FKBP5: variants seen among roughly 807,000 people sequenced by gnomAD.
The protein encoded by FKBP5 is FKBP prolyl isomerase 5.
In FKBP5, 23 loss-of-function variants were observed where a neutral mutation model predicts 50.5. The observed-to-expected ratio is 0.46, with a 90% CI of 0.33 to 0.65. The LOEUF (loss-of-function observed/expected upper bound fraction) is 0.65. Ranked by LOEUF, FKBP5 falls within the 30% of genes least tolerant of loss-of-function variation. The pLI, the probability that FKBP5 is intolerant of heterozygous loss-of-function variation, is 0.02. For missense variants in FKBP5, 411 were observed against 553.1 expected (o/e 0.74, Z 2.58); for synonymous variants, 176 against 190.6 (o/e 0.92, Z 0.63).
chr6:35,709,476 A>G (rs1336667104), intron 2 of FKBP5, among the ~76,000 whole-genome samples: 1 of 152,250 alleles, frequency 6.6e-6, no homozygotes, highest in Non-Finnish European at 1.5e-5. Flanking sequence ...AACATTTTCC[A>G]GAAGTATATA....
intron 2 of FKBP5, among the ~76,000 whole-genome samples, chr6:35,714,400 C>T (rs1225004490): frequency 1.6e-5 from 2 of 125,470 alleles, no homozygotes; most frequent in African/African-American, 6.2e-5. Flanking sequence ...TGCAGTGAGC[C>T]GAGATGGAGA....
intron 2 of FKBP5, among the ~76,000 whole-genome samples, chr6:35,703,457 C>T (rs1474672741): frequency 6.6e-6 from 1 of 152,074 alleles, no homozygotes; most frequent in Non-Finnish European, 1.5e-5. Flanking sequence ...AAATGATACT[C>T]AAGGTGATTG....
chr6:35,675,298 G>A (rs4713907), intron 1 of FKBP5, among the ~76,000 whole-genome samples: 6,496 of 152,188 alleles, frequency 0.043, 177 homozygotes, highest in African/African-American at 0.08. Flanking sequence ...CTGTAATCCC[G>A]GATTCTACGG....
At chr6:35,625,714 C>T (rs544541652) in intron 3 of FKBP5, among the ~76,000 whole-genome samples, 1 of 146,272 alleles carries the variant, frequency 6.8e-6, no homozygotes, top group Admixed American at 6.8e-5. Context: ...CCAGCCTGGG[C>T]GACAGAGCAA....
intron 1 of FKBP5, among the ~76,000 whole-genome samples, chr6:35,646,523 G>A (rs533658900): frequency 1.1e-3 from 169 of 152,186 alleles, no homozygotes; most frequent in African/African-American, 3.5e-3. Flanking sequence ...GTTTTTGTAA[G>A]CTAACAAAAC....
intron 5 of FKBP5, among the ~76,000 whole-genome samples, chr6:35,617,824 A>T (rs1341458846): frequency 6.6e-6 from 1 of 152,212 alleles, no homozygotes; most frequent in African/African-American, 2.4e-5. Flanking sequence ...ACAGTGGTAC[A>T]TATAATTTGC....
rs1276269720 is a variant in FKBP5 at position 35,660,089 on chromosome 6, C to T, written c.-19-17246G>A. On this transcript the variant is annotated intron_variant, in intron 1 of 10. Transcript: ENST00000357266. ...TATGATTTTCATTAAGTACAAAATA[C>T]TTTCTAAATTCATCTTTGATATTCT... Among the ~76,000 whole-genome samples, 13 of 83,734 alleles carry T rather than the reference C, an allele frequency of 1.6e-4. 6 individuals are homozygous for T. Among genetic ancestry groups the T allele is most frequent in the Non-Finnish European group, 3.6e-4 (13 of 36,556 alleles). The allele number at this position is 83,734 out of a possible 152,430, so 54.9% of individuals were successfully genotyped here.
intron 1 of FKBP5, among the ~76,000 whole-genome samples, chr6:35,647,227 A>C (rs942239717): frequency 3.9e-5 from 6 of 152,206 alleles, no homozygotes; most frequent in African/African-American, 1.4e-4. Context: ...ATATTAAAAC[A>C]AACAAAAAAA....
chr6:35,587,376 A>T (rs756972098), intron 7 of FKBP5, among the ~76,000 whole-genome samples: 9 of 152,194 alleles, frequency 5.9e-5, no homozygotes, highest in Non-Finnish European at 1.0e-4. Flanking sequence ...ACAGTAAGGA[A>T]CGTACTCTGG....
chr6:35,646,549 CT>C (rs1370580843), intron 1 of FKBP5, among the ~76,000 whole-genome samples: 1 of 152,078 alleles, frequency 6.6e-6, no homozygotes, highest in East Asian at 1.9e-4. Flanking sequence ...AAACTTTTTC[CT>C]TGATTGAATG....
At chr6:35,654,245 T>C (rs1764889260) in intron 1 of FKBP5, among the ~76,000 whole-genome samples, 1 of 152,210 alleles carries the variant, frequency 6.6e-6, no homozygotes, top group Admixed American at 6.5e-5. Context: ...ATATTATGCA[T>C]TACATGCCAA....
chr6:35,676,964 A>G (rs1765536755), intron 1 of FKBP5, among the ~76,000 whole-genome samples: 1 of 152,246 alleles, frequency 6.6e-6, no homozygotes, highest in Non-Finnish European at 1.5e-5. Context: ...AACTAAGCTC[A>G]AGCTCCTAGC....
intron 3 of FKBP5, 90 bp downstream of exon 3, chr6:35,636,924 A>T: frequency 8.0e-7 from 1 of 1,242,870 alleles, no homozygotes; most frequent in Non-Finnish European, 1.1e-6. Context: ...AAATTTCTTT[A>T]CTTTTAGAAA....
chr6:35,691,768 G>A (rs147353811), upstream of FKBP5, among the ~76,000 whole-genome samples: 75 of 152,224 alleles, frequency 4.9e-4, no homozygotes, highest in East Asian at 0.013. Flanking sequence ...GATGACATGC[G>A]CTATGGCTGC....
chr6:35,647,397 G>C (rs551417100), intron 1 of FKBP5, among the ~76,000 whole-genome samples: 3 of 152,270 alleles, frequency 2.0e-5, no homozygotes, highest in African/African-American at 4.8e-5. Flanking sequence ...GAAGATGCTG[G>C]GATGACAAGA....
rs536906640 is a variant in FKBP5 at position 35,628,827 on chromosome 6, C to T, written c.250+8187G>A. Among the ~76,000 whole-genome samples, 147 of 152,102 alleles carry T rather than the reference C, an allele frequency of 9.7e-4. 1 individual carries two copies. Among genetic ancestry groups the T allele is most frequent in the Middle Eastern group, 6.8e-3 (2 of 294 alleles). On this transcript the variant is annotated intron_variant, in intron 3 of 10. Coordinates refer to ENST00000357266, the MANE Select transcript of FKBP5 (RefSeq NM_004117.4). ...TCCACTCCCAGGCTCAAGTGATTCT[C>T]CTGCCTCAGCCTCCCCAGTAGCTGG...
intron 2 of FKBP5, among the ~76,000 whole-genome samples, chr6:35,701,248 GT>G (rs552906381): frequency 5.5e-4 from 77 of 139,358 alleles, no homozygotes; most frequent in Admixed American, 1.2e-3. Context: ...TTGTTTTTTT[GT>G]TTTTTTTTTT....
chr6:35,619,076 C>A lies in FKBP5; in HGVS notation c.508+20G>T, dbSNP rs147722311. 1 of 1,525,202 alleles carries A rather than the reference C, an allele frequency of 6.6e-7. No individual in the cohort carries two copies. The highest frequency in any genetic ancestry group is 2.3e-5 in the East Asian group (1 of 44,384). The allele number at this position is 1,525,202 out of a possible 1,614,324, so 94.5% of individuals were successfully genotyped here. The stretch of plus-strand genomic sequence containing the variant: ...TGGCCCAACTTTTAAGGACTAGTTC[C>A]CTCTTACTTTAATACTTACTTTCTA... On this transcript the variant is annotated intron_variant, in intron 5 of 10. Transcript: ENST00000357266.
chr6:35,655,091 G>A (rs957774624), intron 1 of FKBP5, among the ~76,000 whole-genome samples: 20 of 152,120 alleles, frequency 1.3e-4, no homozygotes, highest in Non-Finnish European at 1.0e-4. Flanking sequence ...GGAGGCTGAC[G>A]TGGGCAGATC....
Sources: allele counts gnomAD v4.1 joint callset (sites outside exome capture counted in the v4.1 genomes callset), GRCh38; gene constraint gnomAD v4.1.1; transcripts MANE v1.5; gene names NCBI Gene and HGNC (gene_info 2026-07-23, HGNC 2026-07-21).